RERE: variants seen among roughly 807,000 people sequenced by gnomAD.
The protein encoded by RERE is arginine-glutamic acid dipeptide repeats.
In RERE, 40 loss-of-function variants were observed where a neutral mutation model predicts 146.1. The ratio of observed to expected loss-of-function variants is 0.27; its 90% CI spans 0.21 to 0.36. The LOEUF (loss-of-function observed/expected upper bound fraction) is 0.36, where lower values mean the gene tolerates loss of function less well. Among genes scored for constraint, RERE ranks in the 10% least tolerant of loss-of-function variants. The pLI is 1.00. For missense variants in RERE, 1,933 were observed against 2,138.7 expected (o/e 0.90, Z 1.90); for synonymous variants, 1,003 against 866.0 (o/e 1.16, Z -2.78).
At chr1:8,793,685 G>A (rs922555026) in intron 1 of RERE, among the ~76,000 whole-genome samples, 1 of 152,192 alleles carries the variant, frequency 6.6e-6, no homozygotes, top group Non-Finnish European at 1.5e-5. Flanking sequence ...ACCGTTCAGA[G>A]GGCGGAAAGA....
Position 8,421,478 on chromosome 1 carries a change from TA to T in RERE, c.1284+1248del, listed in dbSNP as rs372276878. Among the ~76,000 whole-genome samples the T allele has an allele frequency of 6.5e-3, 997 of 152,318 alleles. 5 individuals carry two copies. The highest frequency in any genetic ancestry group is 0.022 in the African/African-American group (912 of 41,582). ...AACAGGTTTCTCTCTCTCTGTTTTT[TA>T]CCATTCTCAATATGATCCATCCTAG... is the stretch of plus-strand genomic sequence containing the variant. On this transcript the variant is annotated intron_variant, in intron 12 of 22. Transcript: ENST00000400908.
At chr1:8,529,880 A>G (rs1195764286) in intron 7 of RERE, among the ~76,000 whole-genome samples, 1 of 152,168 alleles carries the variant, frequency 6.6e-6, no homozygotes, top group Non-Finnish European at 1.5e-5. Context: ...CTCTGATTCC[A>G]TGGAGCAAGC....
intron 4 of RERE, among the ~76,000 whole-genome samples, chr1:8,614,114 G>C (rs555298251): frequency 1.3e-5 from 2 of 152,078 alleles, no homozygotes; most frequent in African/African-American, 2.4e-5. Flanking sequence ...GAAAAGCCTC[G>C]CTATTTCTGA....
At chr1:8,608,834 C>T (rs572606159) in intron 4 of RERE, among the ~76,000 whole-genome samples, 7 of 152,180 alleles carry the variant, frequency 4.6e-5, no homozygotes, top group African/African-American at 1.7e-4. Flanking sequence ...GCCTGTAATC[C>T]CAACACTTTG....
chr1:8,494,161 T>A (rs2124229094), intron 10 of RERE, among the ~76,000 whole-genome samples: 1 of 152,346 alleles, frequency 6.6e-6, no homozygotes, highest in South Asian at 2.1e-4. Flanking sequence ...CTCATTTCCC[T>A]TTACTTTTAA....
chr1:8,754,111 G>A (rs958302458), intron 1 of RERE, among the ~76,000 whole-genome samples: 7 of 152,080 alleles, frequency 4.6e-5, no homozygotes, highest in Non-Finnish European at 8.8e-5. Flanking sequence ...TGCACATCAT[G>A]ATGTCTTGTA....
At chr1:8,784,641 C>T (rs563840536) in intron 1 of RERE, among the ~76,000 whole-genome samples, 1 of 152,174 alleles carries the variant, frequency 6.6e-6, no homozygotes, top group African/African-American at 2.4e-5. Flanking sequence ...TGATCTGCTA[C>T]CCAAAAAAGG....
chr1:8,598,419 G>A (rs1252250727), intron 4 of RERE, among the ~76,000 whole-genome samples: 1 of 152,180 alleles, frequency 6.6e-6, no homozygotes, highest in East Asian at 1.9e-4. Flanking sequence ...CAGAAGCAAC[G>A]TCACGGAGCT....
intron 12 of RERE, 114 bp downstream of exon 12, chr1:8,422,613 C>T (rs1034145173): frequency 2.7e-6 from 2 of 737,034 alleles, no homozygotes; most frequent in African/African-American, 3.5e-5. Flanking sequence ...GGAGGCCAGC[C>T]CGAGTCTGAG....
intron 12 of RERE, among the ~76,000 whole-genome samples, chr1:8,414,649 G>A (rs1643712858): frequency 6.8e-6 from 1 of 147,556 alleles, no homozygotes; most frequent in African/African-American, 2.5e-5. Flanking sequence ...CACTTGAGCA[G>A]AACAAAGAAT....
At chr1:8,599,800 A>G (rs887752714) in intron 4 of RERE, among the ~76,000 whole-genome samples, 8 of 152,226 alleles carry the variant, frequency 5.3e-5, no homozygotes, top group African/African-American at 1.9e-4. Context: ...CAGCTCAGTG[A>G]CAACATCAGA....
At chr1:8,752,400 G>C (rs1282876853) in intron 1 of RERE, among the ~76,000 whole-genome samples, 1 of 151,982 alleles carries the variant, frequency 6.6e-6, no homozygotes, top group East Asian at 1.9e-4. Context: ...GTAGTTATAA[G>C]AGATACGGAA....
intron 1 of RERE, among the ~76,000 whole-genome samples, chr1:8,700,156 T>G (rs1569576004): frequency 6.6e-6 from 1 of 151,960 alleles, no homozygotes; most frequent in Non-Finnish European, 1.5e-5. Flanking sequence ...AATACAAAAA[T>G]TAGCCAGGCG....
At chr1:8,814,886 C>G (rs1370404766) in intron 1 of RERE, among the ~76,000 whole-genome samples, 1 of 152,154 alleles carries the variant, frequency 6.6e-6, no homozygotes, top group South Asian at 2.1e-4. Context: ...AAATTAATGT[C>G]GAAGCACAAC....
chr1:8,474,569 C>T lies in RERE; in HGVS notation c.1105-8546G>A, dbSNP rs150230715. Among the ~76,000 whole-genome samples, 965 of 152,224 alleles carry T rather than the reference C, an allele frequency of 6.3e-3. 11 individuals are homozygous for T. Among genetic ancestry groups the T allele is most frequent in the African/African-American group, 0.022 (924 of 41,530 alleles). On this transcript the variant is annotated intron_variant, in intron 10 of 22. Transcript: ENST00000400908. The stretch of plus-strand genomic sequence containing the variant: ...CATCTTAGCTACCATTTTCTGTCTG[C>T]GTGATGTTGCAAATAAATTTTCCTT...
At chr1:8,650,191 G>A (rs1303729490) in intron 2 of RERE, among the ~76,000 whole-genome samples, 2 of 152,182 alleles carry the variant, frequency 1.3e-5, no homozygotes, top group Non-Finnish European at 2.9e-5. Context: ...TTAAACCGTA[G>A]TGATAAATTC....
chr1:8,617,655 A>C, intron 3 of RERE, among the ~76,000 whole-genome samples: 1 of 152,160 alleles, frequency 6.6e-6, no homozygotes, highest in Non-Finnish European at 1.5e-5. Context: ...ACAAAAACAG[A>C]AACAACTGAT....
At chr1:8,812,443 TCAAGAC>T (rs1397766471) in intron 1 of RERE, among the ~76,000 whole-genome samples, 1 of 152,114 alleles carries the variant, frequency 6.6e-6, no homozygotes, top group Non-Finnish European at 1.5e-5. Flanking sequence ...GGTTAGGAGT[TCAAGAC>T]CAGCCTGGCC....
intron 1 of RERE, among the ~76,000 whole-genome samples, chr1:8,815,820 A>G (rs1641899924): frequency 6.9e-6 from 1 of 144,742 alleles, no homozygotes; most frequent in Non-Finnish European, 1.6e-5. Flanking sequence ...ATGAGCCCTC[A>G]GCTTGGTATT....
Sources: allele counts gnomAD v4.1 joint callset (sites outside exome capture counted in the v4.1 genomes callset), GRCh38; gene constraint gnomAD v4.1.1; transcripts MANE v1.5; gene names NCBI Gene and HGNC (gene_info 2026-07-23, HGNC 2026-07-21).